The following CDH18 variants were observed in gnomAD, a reference collection of about 807,000 sequenced individuals.
The protein encoded by CDH18 is cadherin 18.
CDH18 carries 31 observed loss-of-function variants against 67.9 expected under a neutral mutation model. The observed-to-expected ratio is 0.46, with a 90% confidence interval of 0.34 to 0.62. The LOEUF is 0.62. Ranked by LOEUF, CDH18 falls within the 20% of genes least tolerant of loss-of-function variation. The pLI, the probability that CDH18 is intolerant of heterozygous loss-of-function variation, is 0.01. For synonymous variants in CDH18, 362 were observed against 347.2 expected, an observed-to-expected ratio of 1.04 and a Z score of -0.48; for missense variants, 890 against 975.5, an observed-to-expected ratio of 0.91 and a Z score of 1.17.
chr5:20,329,056 A>G (rs1252781069), intron 1 of CDH18, among the ~76,000 whole-genome samples: 2 of 152,180 alleles, frequency 1.3e-5, no homozygotes, highest in African/African-American at 4.8e-5. Flanking sequence ...TGAACCTCTA[A>G]ATCAGGTTTA....
chr5:20,497,575 T>C (rs948924033), intron 1 of CDH18, among the ~76,000 whole-genome samples: 1 of 152,118 alleles, frequency 6.6e-6, no homozygotes, highest in Admixed American at 6.6e-5. Context: ...CTGTGATGTT[T>C]GCACAAGCAT....
At chr5:19,985,584 C>T (rs1799478871) in intron 1 of CDH18, among the ~76,000 whole-genome samples, 1 of 151,926 alleles carries the variant, frequency 6.6e-6, no homozygotes, top group Non-Finnish European at 1.5e-5. Context: ...CTACAATACA[C>T]AGAAAAGTCC....
chr5:20,296,553 C>G (rs977481936), intron 1 of CDH18, among the ~76,000 whole-genome samples: 3 of 152,014 alleles, frequency 2.0e-5, no homozygotes, highest in East Asian at 3.9e-4. Context: ...GAGCCACCGC[C>G]CCCGGCCCAC....
At position 20,144,144 on chromosome 5, in the gene CDH18, A is replaced by G. The variant is rs939063963; in HGVS notation, c.-518+111300T>C. The stretch of plus-strand genomic sequence containing the variant: ...GAAAAATGACTTTGAGATCAGAGCC[A>G]TAGATCCACAGAGCAGGGCCACCTC... On this transcript the variant is annotated intron_variant, in intron 2 of 14. Coordinates refer to the CDH18 transcript ENST00000507958. Among the ~76,000 whole-genome samples the G allele has an allele frequency of 2.6e-5, 4 of 152,168 alleles. No individual in the cohort carries two copies. The South Asian group carries it at 8.3e-4, about 31-fold the overall frequency.
chr5:20,111,778 C>T (rs944260607), intron 2 of CDH18, among the ~76,000 whole-genome samples: 9 of 151,974 alleles, frequency 5.9e-5, no homozygotes, highest in African/African-American at 9.6e-5. Context: ...CTCTTGACCT[C>T]GTGATCTGCC....
chr5:19,607,094 G>A (rs1748176471), intron 6 of CDH18, among the ~76,000 whole-genome samples: 1 of 151,592 alleles, frequency 6.6e-6, no homozygotes, highest in South Asian at 2.1e-4. Context: ...GCAAATAAAG[G>A]CAAAATTGTA....
At chr5:19,907,364 A>C (rs908702333) in intron 2 of CDH18, among the ~76,000 whole-genome samples, 2 of 151,982 alleles carry the variant, frequency 1.3e-5, no homozygotes, top group Non-Finnish European at 2.9e-5. Flanking sequence ...ATGCATAATG[A>C]GATATGTTGG....
intron 2 of CDH18, among the ~76,000 whole-genome samples, chr5:20,067,612 A>C (rs2150519512): frequency 6.6e-6 from 1 of 152,170 alleles, no homozygotes; most frequent in East Asian, 1.9e-4. Flanking sequence ...TCTCAAACTA[A>C]TTACGAATTC....
chr5:19,845,962 C>G (rs1782897211), intron 2 of CDH18, among the ~76,000 whole-genome samples: 1 of 151,730 alleles, frequency 6.6e-6, no homozygotes, highest in Admixed American at 6.6e-5. Flanking sequence ...ATTCATTCAG[C>G]CACTATTTTT....
intron 1 of CDH18, among the ~76,000 whole-genome samples, chr5:20,547,551 A>T (rs1176876917): frequency 1.5e-5 from 2 of 135,692 alleles, no homozygotes; most frequent in Non-Finnish European, 3.3e-5. Context: ...ACAGGGCAAG[A>T]CTCTGTCAGA....
intron 5 of CDH18, among the ~76,000 whole-genome samples, chr5:19,712,866 C>T (rs1379188911): frequency 3.3e-5 from 5 of 151,488 alleles, no homozygotes; most frequent in Non-Finnish European, 7.4e-5. Context: ...AATGGGATTG[C>T]AGTACATTTA....
At chr5:19,717,285 T>C (rs1765451450) in intron 5 of CDH18, among the ~76,000 whole-genome samples, 1 of 152,102 alleles carries the variant, frequency 6.6e-6, no homozygotes, top group Non-Finnish European at 1.5e-5. Flanking sequence ...TATTAAGTAG[T>C]TCATAAGTTG....
intron 2 of CDH18, among the ~76,000 whole-genome samples, chr5:19,930,421 G>T (rs1315295177): frequency 6.6e-6 from 1 of 151,922 alleles, no homozygotes; most frequent in African/African-American, 2.4e-5. Flanking sequence ...CTTGGAGATG[G>T]AAATAACCAT....
intron 1 of CDH18, among the ~76,000 whole-genome samples, chr5:20,560,504 CA>C (rs2126644819): frequency 1.3e-5 from 2 of 151,258 alleles, no homozygotes; most frequent in South Asian, 2.1e-4. Context: ...CACACACACA[CA>C]CACACACCCC....
At chr5:20,516,926 T>C (rs1230108628) in intron 1 of CDH18, among the ~76,000 whole-genome samples, 1 of 151,980 alleles carries the variant, frequency 6.6e-6, no homozygotes, top group African/African-American at 2.4e-5. Flanking sequence ...ATTCTTTTTC[T>C]AGAGTCCATC....
chr5:20,530,319 A>G (rs1216022293), intron 1 of CDH18, among the ~76,000 whole-genome samples: 1 of 152,074 alleles, frequency 6.6e-6, no homozygotes, highest in African/African-American at 2.4e-5. Flanking sequence ...AAAGCAATGT[A>G]TAGATTCAAT....
At chr5:20,203,208 G>A (rs955285671) in intron 2 of CDH18, among the ~76,000 whole-genome samples, 3 of 152,134 alleles carry the variant, frequency 2.0e-5, no homozygotes, top group Admixed American at 6.6e-5. Flanking sequence ...TGCCTAGCAG[G>A]AGACCTATCC....
At chr5:20,390,141 A>G (rs187403812) in intron 1 of CDH18, among the ~76,000 whole-genome samples, 1,719 of 152,306 alleles carry the variant, frequency 0.011, 41 homozygotes, top group African/African-American at 0.039. Flanking sequence ...GACAAATGGG[A>G]TCTAATTAAA....
intron 2 of CDH18, among the ~76,000 whole-genome samples, chr5:20,219,538 A>G (rs1741055775): frequency 1.3e-5 from 2 of 151,656 alleles, no homozygotes; most frequent in Non-Finnish European, 2.9e-5. Flanking sequence ...AAAGAAAAAA[A>G]CAAATCAGAA....
Sources: gnomAD v4.1 joint callset for allele counts (sites outside exome capture counted in the v4.1 genomes callset) on GRCh38, gnomAD v4.1.1 for gene constraint, MANE v1.5 for transcripts, NCBI Gene and HGNC (gene_info 2026-07-23, HGNC 2026-07-21) for gene names.